Variants in CUL3 observed in about 807,000 individuals in gnomAD.
CUL3 encodes the protein cullin 3, also known as cullin-3.
A neutral mutation model predicts 89.1 loss-of-function variants in CUL3; 19 were observed. That is an observed-to-expected ratio of 0.21 (90% CI 0.15 to 0.31). CUL3 has a LOEUF of 0.31. Ranked by LOEUF, CUL3 falls within the 10% of genes least tolerant of loss-of-function variation. The pLI is 1.00. For synonymous variants in CUL3, 351 were observed against 308.4 expected (o/e 1.14, Z -1.45); for missense variants, 469 against 942.3 (o/e 0.50, Z 6.58).
intron 13 of CUL3, among the ~76,000 whole-genome samples, chr2:224,490,554 T>G (rs1277867067): frequency 6.6e-6 from 1 of 152,066 alleles, no homozygotes; most frequent in African/African-American, 2.4e-5. Context: ...CTTGTGTCTT[T>G]ATTTCTACAA....
At chr2:224,584,087 A>G (rs1695508267) in intron 1 of CUL3, among the ~76,000 whole-genome samples, 2 of 152,216 alleles carry the variant, frequency 1.3e-5, no homozygotes, top group African/African-American at 4.8e-5. Context: ...ACCCAAAGTT[A>G]TATCCTATAT....
intron 2 of CUL3, among the ~76,000 whole-genome samples, chr2:224,557,386 A>C (rs1042568208): frequency 9.9e-5 from 15 of 152,176 alleles, no homozygotes; most frequent in African/African-American, 3.6e-4. Flanking sequence ...TGTAATTAAC[A>C]TATTAATAAG....
chr2:224,574,677 A>C (rs575020040), intron 1 of CUL3, among the ~76,000 whole-genome samples: 29 of 152,340 alleles, frequency 1.9e-4, no homozygotes, highest in African/African-American at 5.8e-4. Flanking sequence ...ACTGCCCTAC[A>C]TGAAACAGAA....
intron 1 of CUL3, among the ~76,000 whole-genome samples, chr2:224,570,266 C>T (rs1190401014): frequency 6.6e-6 from 1 of 152,164 alleles, no homozygotes; most frequent in African/African-American, 2.4e-5. Context: ...ATCAATTATT[C>T]CTTAAGCAAC....
intron 2 of CUL3, among the ~76,000 whole-genome samples, chr2:224,551,134 G>A (rs1194700974): frequency 1.3e-5 from 2 of 150,368 alleles, no homozygotes; most frequent in Non-Finnish European, 3.0e-5. Flanking sequence ...ACAGCTCACT[G>A]CAGCCTCAAA....
intron 1 of CUL3, among the ~76,000 whole-genome samples, chr2:224,580,943 T>C (rs755054509): frequency 2.6e-5 from 4 of 151,132 alleles, no homozygotes; most frequent in Non-Finnish European, 4.4e-5. Context: ...ATGAAAGAAA[T>C]GGGGGCGTGG....
intron 13 of CUL3, among the ~76,000 whole-genome samples, chr2:224,491,427 T>A (rs909298538): frequency 6.6e-6 from 1 of 152,210 alleles, no homozygotes; most frequent in African/African-American, 2.4e-5. Context: ...GAAAAGGTAT[T>A]TTCTTTCCAA....
At chr2:224,559,315 G>A (rs766268725) in intron 1 of CUL3, among the ~76,000 whole-genome samples, 10 of 151,946 alleles carry the variant, frequency 6.6e-5, no homozygotes, top group Middle Eastern at 3.4e-3. Context: ...TTAGCTGAGC[G>A]TGGTGGCGCA....
rs1344571143 is a variant in CUL3 at position 224,584,727 on chromosome 2, A to C, written c.66+217T>G. ...AGCTCCCGGACGGGGGCGCGGCGCC[A>C]GGCCCGGGCTCCCGGCGCGGGGAAC... On this transcript the variant is annotated intron_variant, in intron 1 of 15. Coordinates refer to ENST00000264414, the MANE Select transcript of CUL3 (RefSeq NM_003590.5). Among the ~76,000 whole-genome samples, 3 of 147,260 alleles carry C rather than the reference A, an allele frequency of 2.0e-5. No homozygotes were observed. The East Asian group carries it at 6.1e-4, about 30-fold the overall frequency.
Position 224,569,732 on chromosome 2 carries a change from G to C in CUL3, c.67-11876C>G, listed in dbSNP as rs1463883315. ...GATTACTGAGAGAACTACATCATGAGACAAATTAAAACTAAATGAAAAGAA... is the reference window on the plus strand; with the variant it reads ...GATTACTGAGAGAACTACATCATGACACAAATTAAAACTAAATGAAAAGAA... On this transcript the variant is annotated intron_variant, in intron 1 of 15. Transcript: ENST00000264414. The C allele has an allele frequency of 5.5e-5, 67 of 1,218,036 alleles. No individual in the cohort carries two copies. Among genetic ancestry groups the C allele is most frequent in the Non-Finnish European group, 6.6e-5 (63 of 951,746 alleles). 75.5% of individuals were successfully genotyped at this position (1,218,036 alleles called of 1,614,324 possible).
intron 4 of CUL3, among the ~76,000 whole-genome samples, chr2:224,514,041 A>G (rs1692942475): frequency 6.6e-6 from 1 of 152,222 alleles, no homozygotes; most frequent in Admixed American, 6.5e-5. Context: ...ATCAAGCACC[A>G]AAGACGAAAT....
At chr2:224,557,343 G>C (rs1235715241) in intron 2 of CUL3, among the ~76,000 whole-genome samples, 1 of 148,040 alleles carries the variant, frequency 6.8e-6, no homozygotes. Flanking sequence ...GTAAAAATGG[G>C]CTGATTAAAT....
intron 3 of CUL3, among the ~76,000 whole-genome samples, chr2:224,518,139 T>C (rs1430944239): frequency 6.6e-6 from 1 of 152,188 alleles, no homozygotes; most frequent in Non-Finnish European, 1.5e-5. Context: ...TAGAAAGTAC[T>C]GGCAATTCTG....
At chr2:224,572,630 G>GAAAAAAAAAA (rs67105454) in intron 1 of CUL3, among the ~76,000 whole-genome samples, 1 of 86,298 alleles carries the variant, frequency 1.2e-5, no homozygotes. Context: ...GAGAGTGAGA[G>GAAAAAAAAAA]AAAAAAAAAA....
intron 13 of CUL3, among the ~76,000 whole-genome samples, chr2:224,486,191 T>C (rs1223220716): frequency 2.0e-5 from 3 of 152,070 alleles, no homozygotes; most frequent in Admixed American, 6.5e-5. Flanking sequence ...TTCCAAAAAC[T>C]AGAATGCCTC....
At chr2:224,570,426 G>A (rs928361737) in intron 1 of CUL3, among the ~76,000 whole-genome samples, 1 of 152,150 alleles carries the variant, frequency 6.6e-6, no homozygotes, top group African/African-American at 2.4e-5. Flanking sequence ...GTGGACTGTG[G>A]GGTAATTAAG....
intron 1 of CUL3, among the ~76,000 whole-genome samples, chr2:224,576,651 G>C (rs1352898855): frequency 2.2e-5 from 3 of 136,188 alleles, no homozygotes; most frequent in African/African-American, 8.1e-5. Context: ...CTTTGGACAG[G>C]GACCACAACC....
At position 224,531,282 on chromosome 2, in the gene CUL3, T is replaced by C. The variant is rs548509887; in HGVS notation, c.378+4246A>G. Among the ~76,000 whole-genome samples, 7 of 152,028 alleles carry C rather than the reference T, an allele frequency of 4.6e-5. No homozygotes were observed. The East Asian group carries it at 1.4e-3, about 29-fold the overall frequency. The stretch of plus-strand genomic sequence containing the variant: ...TTTGTGTTTTTAGTAGAGATGGGGT[T>C]TCACCACACTGGCCAGGCTGGTCTC... On this transcript the variant is annotated intron_variant, in intron 3 of 15. Transcript: ENST00000264414.
Position 224,584,953 on chromosome 2 carries a change from C to T in CUL3, c.57G>A (p.Arg19=), listed in dbSNP as rs1695544967. Residue 19 remains arginine, a synonymous_variant, in exon 1 of 16, where the codon CGG becomes CGA. Transcript: ENST00000264414. ...GSRKDTKMRI[R]AFPMTMDEKY... The stretch of plus-strand genomic sequence containing the variant: ...CCGAGGAGAGACTCACCGGAAAGGC[C>T]CGGATCCGCATCTTGGTGTCCTTCC... 1 of 1,500,632 alleles carries T rather than the reference C, an allele frequency of 6.7e-7. No homozygotes were observed. The highest frequency in any genetic ancestry group is 9.0e-7 in the Non-Finnish European group (1 of 1,114,014). 93.0% of individuals were successfully genotyped at this position (1,500,632 alleles called of 1,614,324 possible). A position where few individuals can be genotyped will look rare whatever the true frequency, so the allele number is the denominator to read the frequency against.
Sources: gnomAD v4.1 joint callset for allele counts (sites outside exome capture counted in the v4.1 genomes callset) on GRCh38, gnomAD v4.1.1 for gene constraint, MANE v1.5 for transcripts, NCBI Gene and HGNC (gene_info 2026-07-23, HGNC 2026-07-21) for gene names.